Variants in RUNX1T1 observed in about 807,000 individuals in gnomAD.
RUNX1T1 encodes protein CBFA2T1.
A neutral mutation model predicts 62.8 loss-of-function variants in RUNX1T1; 4 were observed. The ratio of observed to expected loss-of-function variants is 0.06; its 90% CI spans 0.03 to 0.15. The LOEUF (loss-of-function observed/expected upper bound fraction) is 0.15. Among genes scored for constraint, RUNX1T1 ranks in the 10% least tolerant of loss-of-function variants. The pLI is 1.00. For synonymous variants in RUNX1T1, 291 were observed against 286.0 expected (o/e 1.02, Z -0.18); for missense variants, 508 against 754.3 (o/e 0.67, Z 3.82).
At chr8:91,965,850 T>G (rs1013198903) in intron 10 of RUNX1T1, among the ~76,000 whole-genome samples, 1 of 152,134 alleles carries the variant, frequency 6.6e-6, no homozygotes, top group African/African-American at 2.4e-5. Flanking sequence ...ACTGTTTTTC[T>G]TCTCCGTTTT....
intron 1 of RUNX1T1, among the ~76,000 whole-genome samples, chr8:92,040,327 A>G (rs1416588430): frequency 6.6e-6 from 1 of 152,076 alleles, no homozygotes; most frequent in Non-Finnish European, 1.5e-5. Flanking sequence ...CAACTATTAT[A>G]TTTGCAGGTG....
exon 11 of RUNX1T1, chr8:91,960,170 G>T: frequency 6.8e-7 from 1 of 1,472,420 alleles, no homozygotes; most frequent in South Asian, 1.2e-5. Context: ...AAACAACTTT[G>T]AGCATCTGAG....
At chr8:92,081,504 A>C (rs1387924632) in intron 1 of RUNX1T1, among the ~76,000 whole-genome samples, 1 of 150,674 alleles carries the variant, frequency 6.6e-6, no homozygotes, top group African/African-American at 2.4e-5. Flanking sequence ...TTTTGGTGTG[A>C]TGAAAAAAAA....
chr8:92,035,037 G>A (rs1441313776), intron 1 of RUNX1T1, among the ~76,000 whole-genome samples: 1 of 152,114 alleles, frequency 6.6e-6, no homozygotes, highest in Non-Finnish European at 1.5e-5. Flanking sequence ...CTCATGCCCT[G>A]TAATCCCAGC....
intron 1 of RUNX1T1, chr8:92,095,753 C>T (rs981323920): frequency 2.3e-6 from 1 of 427,052 alleles, no homozygotes; most frequent in African/African-American, 2.0e-5. Context: ...TACCCTAAGG[C>T]TATCTGGGAA....
intron 1 of RUNX1T1, among the ~76,000 whole-genome samples, chr8:92,089,743 C>T (rs1327856805): frequency 1.3e-5 from 2 of 151,850 alleles, no homozygotes; most frequent in Non-Finnish European, 2.9e-5. Flanking sequence ...AAAAAGGAAT[C>T]GTAAAAACAA....
chr8:92,057,830 G>C (rs1831283040), intron 1 of RUNX1T1, among the ~76,000 whole-genome samples: 1 of 152,086 alleles, frequency 6.6e-6, no homozygotes, highest in Admixed American at 6.6e-5. Flanking sequence ...AGCTATCAAA[G>C]AACTGCAACT....
intron 1 of RUNX1T1, among the ~76,000 whole-genome samples, chr8:92,048,065 TCTG>T (rs1239745826): frequency 2.0e-5 from 3 of 152,214 alleles, no homozygotes; most frequent in African/African-American, 7.2e-5. Context: ...ATGCTCAATA[TCTG>T]CTGTTATCAA....
At chr8:92,090,714 A>G (rs1269916177) in intron 1 of RUNX1T1, among the ~76,000 whole-genome samples, 1 of 152,196 alleles carries the variant, frequency 6.6e-6, no homozygotes, top group Non-Finnish European at 1.5e-5. Context: ...TTCAGAGAAT[A>G]AGGTCCTAAA....
At chr8:92,092,860 A>AT (rs1837252774) in intron 1 of RUNX1T1, among the ~76,000 whole-genome samples, 1 of 151,774 alleles carries the variant, frequency 6.6e-6, no homozygotes, top group Non-Finnish European at 1.5e-5. Flanking sequence ...TTTTTTTTTT[A>AT]TTTTTTTGTT....
chr8:91,972,080 A>G (rs758855280), intron 9 of RUNX1T1, among the ~76,000 whole-genome samples: 2 of 152,176 alleles, frequency 1.3e-5, no homozygotes, highest in Non-Finnish European at 2.9e-5. Flanking sequence ...AAGTGTTTGC[A>G]CTTAATTGTT....
intron 1 of RUNX1T1, among the ~76,000 whole-genome samples, chr8:92,041,235 A>G (rs1828388677): frequency 1.2e-5 from 1 of 86,790 alleles, no homozygotes; most frequent in South Asian, 3.0e-4. Context: ...GCCAAGGGGC[A>G]TGCATGATTT....
chr8:92,060,553 AT>A (rs1200887048), intron 1 of RUNX1T1, among the ~76,000 whole-genome samples: 1 of 63,974 alleles, frequency 1.6e-5, no homozygotes, highest in Admixed American at 1.7e-4. Flanking sequence ...ATATATATAT[AT>A]GTGTGTGTGT....
chr8:91,971,475 A>G (rs2130631991), intron 9 of RUNX1T1, among the ~76,000 whole-genome samples: 1 of 152,322 alleles, frequency 6.6e-6, no homozygotes, highest in African/African-American at 2.4e-5. Flanking sequence ...CATAATCTAC[A>G]ACACAATAGT....
chr8:91,999,517 T>C (rs1167150225), intron 5 of RUNX1T1, among the ~76,000 whole-genome samples: 1 of 152,130 alleles, frequency 6.6e-6, no homozygotes, highest in Non-Finnish European at 1.5e-5. Flanking sequence ...GCAGGGGCAT[T>C]CAGAGGCTGA....
intron 1 of RUNX1T1, among the ~76,000 whole-genome samples, chr8:92,056,191 C>A (rs1202678976): frequency 6.6e-6 from 1 of 152,180 alleles, no homozygotes; most frequent in Non-Finnish European, 1.5e-5. Context: ...TAACGAGACT[C>A]TCAAAAGCAC....
chr8:91,975,944 C>G (rs1813830270), exon 9 of RUNX1T1: 1 of 1,613,636 alleles, frequency 6.2e-7, no homozygotes, highest in African/African-American at 1.3e-5. Flanking sequence ...TATCCAGACG[C>G]AGGCCTGTGA....
chr8:92,044,774 A>C (rs1170108701), intron 1 of RUNX1T1, among the ~76,000 whole-genome samples: 1 of 152,238 alleles, frequency 6.6e-6, no homozygotes, highest in East Asian at 1.9e-4. Flanking sequence ...AAAAGCAAGT[A>C]AAAGGAGGGA....
chr8:92,007,337 C>T (rs760635641), intron 4 of RUNX1T1, among the ~76,000 whole-genome samples: 5 of 151,722 alleles, frequency 3.3e-5, no homozygotes, highest in Non-Finnish European at 4.4e-5. Flanking sequence ...TGTGGTGGCA[C>T]GCACCTGTAA....
Sources: allele counts gnomAD v4.1 joint callset (sites outside exome capture counted in the v4.1 genomes callset), GRCh38; gene constraint gnomAD v4.1.1; transcripts MANE v1.5; gene names NCBI Gene and HGNC (gene_info 2026-07-23, HGNC 2026-07-21).